Variants in HSD17B12 observed in about 807,000 individuals in gnomAD.
HSD17B12 encodes the protein very-long-chain 3-oxoacyl-CoA reductase.
HSD17B12 carries 32 observed loss-of-function variants against 39.3 expected under a neutral mutation model. The observed-to-expected ratio is 0.81, with a 90% confidence interval of 0.61 to 1.09. The LOEUF is 1.09. HSD17B12 is among the 50% of genes least tolerant of loss of function. The probability of loss-of-function intolerance (pLI) is 0.00; values close to 1 mark genes in which losing one functional copy is unlikely to be tolerated. For missense variants in HSD17B12, 342 were observed against 382.9 expected, an observed-to-expected ratio of 0.89 and a Z score of 0.89; for synonymous variants, 150 against 146.7, an observed-to-expected ratio of 1.02 and a Z score of -0.16.
intron 4 of HSD17B12, among the ~76,000 whole-genome samples, chr11:43,810,492 G>A (rs1163065734): frequency 2.0e-5 from 3 of 151,702 alleles, no homozygotes; most frequent in Non-Finnish European, 2.9e-5. Context: ...GATGGGGGCC[G>A]AGGAGAGCGT....
intron 4 of HSD17B12, among the ~76,000 whole-genome samples, chr11:43,801,909 C>T (rs901042243): frequency 6.6e-6 from 1 of 151,976 alleles, no homozygotes; most frequent in Non-Finnish European, 1.5e-5. Flanking sequence ...AAATGTAACA[C>T]AAGCCACAGT....
the HSD17B12 span, among the ~76,000 whole-genome samples, chr11:43,588,166 G>A: frequency 1.3e-5 from 2 of 152,138 alleles, no homozygotes; most frequent in African/African-American, 4.8e-5. Flanking sequence ...TAGGGCAAAG[G>A]GGCATTTACT....
chr11:43,632,188 C>G, the HSD17B12 span, among the ~76,000 whole-genome samples: 1 of 152,202 alleles, frequency 6.6e-6, no homozygotes, highest in African/African-American at 2.4e-5. Context: ...AACAATTCAA[C>G]ACTTCGTGTG....
At chr11:43,765,327 T>C (rs1289425520) in intron 3 of HSD17B12, among the ~76,000 whole-genome samples, 1 of 152,120 alleles carries the variant, frequency 6.6e-6, no homozygotes, top group Non-Finnish European at 1.5e-5. Flanking sequence ...TGTTTTCTGG[T>C]ACTTAAACTA....
chr11:43,586,475 G>A, the HSD17B12 span, among the ~76,000 whole-genome samples: 1 of 152,174 alleles, frequency 6.6e-6, no homozygotes, highest in Non-Finnish European at 1.5e-5. Flanking sequence ...TCTCTCCTCT[G>A]GGTGGCAGTT....
chr11:43,817,885 G>A (rs1951145270), intron 6 of HSD17B12, among the ~76,000 whole-genome samples: 1 of 151,910 alleles, frequency 6.6e-6, no homozygotes, highest in African/African-American at 2.4e-5. Context: ...GTGAAGAATG[G>A]CGGTGGTATT....
At chr11:43,674,388 T>C in the HSD17B12 span, among the ~76,000 whole-genome samples, 4 of 152,370 alleles carry the variant, frequency 2.6e-5, no homozygotes, top group East Asian at 7.7e-4. Flanking sequence ...CATGTACTGC[T>C]TCACTTTGTG....
the HSD17B12 span, among the ~76,000 whole-genome samples, chr11:43,622,234 A>T: frequency 6.6e-6 from 1 of 152,180 alleles, no homozygotes; most frequent in Non-Finnish European, 1.5e-5. Context: ...ATTGCATCAC[A>T]TGTACGGAAT....
chr11:43,665,668 A>G, the HSD17B12 span, among the ~76,000 whole-genome samples: 1 of 152,182 alleles, frequency 6.6e-6, no homozygotes, highest in Non-Finnish European at 1.5e-5. Context: ...TAAGCTAACT[A>G]AATACCAGAA....
intron 1 of HSD17B12, among the ~76,000 whole-genome samples, chr11:43,709,851 C>G (rs1489193319): frequency 2.6e-5 from 4 of 152,122 alleles, no homozygotes; most frequent in African/African-American, 4.8e-5. Context: ...TTGGTGAACA[C>G]TGGGCTTCAT....
At chr11:43,604,449 C>A in the HSD17B12 span, among the ~76,000 whole-genome samples, 1 of 152,138 alleles carries the variant, frequency 6.6e-6, no homozygotes, top group Admixed American at 6.5e-5. Flanking sequence ...GTAGACCTAT[C>A]TGAAAATTGT....
the HSD17B12 span, among the ~76,000 whole-genome samples, chr11:43,584,110 G>T: frequency 1.3e-5 from 2 of 152,144 alleles, no homozygotes; most frequent in Non-Finnish European, 2.9e-5. Context: ...ACCACACCCT[G>T]GGTGATCTGC....
At chr11:43,723,100 T>G (rs1950189757) in intron 1 of HSD17B12, among the ~76,000 whole-genome samples, 1 of 152,158 alleles carries the variant, frequency 6.6e-6, no homozygotes, top group Non-Finnish European at 1.5e-5. Flanking sequence ...AATTAATTCA[T>G]TTTTACTATT....
chr11:43,588,635 T>TATTATA, the HSD17B12 span, among the ~76,000 whole-genome samples: 1 of 149,600 alleles, frequency 6.7e-6, no homozygotes, highest in Non-Finnish European at 1.5e-5. Context: ...TTATTATTAT[T>TATTATA]ATAGTGTTCT....
the HSD17B12 span, among the ~76,000 whole-genome samples, chr11:43,568,013 T>A: frequency 2.2e-3 from 333 of 152,310 alleles, 3 homozygotes; most frequent in African/African-American, 7.6e-3. Context: ...TCACCTAATA[T>A]AAAGAGGCTC....
the HSD17B12 span, among the ~76,000 whole-genome samples, chr11:43,587,183 G>A: frequency 6.6e-6 from 1 of 152,132 alleles, no homozygotes; most frequent in African/African-American, 2.4e-5. Context: ...TTCCATTCAT[G>A]CATTCGTTCA....
At chr11:43,818,185 C>A (rs530202662) in intron 6 of HSD17B12, among the ~76,000 whole-genome samples, 1 of 152,256 alleles carries the variant, frequency 6.6e-6, no homozygotes, top group South Asian at 2.1e-4. Flanking sequence ...TCCATTTTGT[C>A]TTCCCCATGA....
At chr11:43,586,885 C>T in the HSD17B12 span, among the ~76,000 whole-genome samples, 1 of 152,170 alleles carries the variant, frequency 6.6e-6, no homozygotes, top group Non-Finnish European at 1.5e-5. Context: ...TCTTTGCTCC[C>T]CCCACCTCCC....
intron 9 of HSD17B12, among the ~76,000 whole-genome samples, chr11:43,850,091 G>A (rs1951516129): frequency 6.6e-6 from 1 of 152,060 alleles, no homozygotes; most frequent in Non-Finnish European, 1.5e-5. Flanking sequence ...TTATTGCAGG[G>A]CCTTTTTTCA....
Sources: gnomAD v4.1 joint callset for allele counts (sites outside exome capture counted in the v4.1 genomes callset) on GRCh38, gnomAD v4.1.1 for gene constraint, MANE v1.5 for transcripts, NCBI Gene and HGNC (gene_info 2026-07-23, HGNC 2026-07-21) for gene names.